ACSL6: variants seen among roughly 807,000 people sequenced by gnomAD.
ACSL6 encodes long-chain-fatty-acid--CoA ligase 6.
Under a neutral mutation model 98.2 loss-of-function variants are expected in ACSL6, and 47 were observed. That is an observed-to-expected ratio of 0.48 (90% confidence interval 0.38 to 0.61). The LOEUF is 0.61. Ranked by LOEUF, ACSL6 falls within the 20% of genes least tolerant of loss-of-function variation. ACSL6 has a pLI of 0.00. For synonymous variants in ACSL6, 362 were observed against 336.9 expected (o/e 1.07, Z -0.82); for missense variants, 761 against 913.4 (o/e 0.83, Z 2.15).
chr5:131,968,300 G>A, intron 15 of ACSL6: 1 of 340,922 alleles, frequency 2.9e-6, no homozygotes, highest in South Asian at 6.4e-5. Context: ...ACGTGCACAG[G>A]GTCCTGGGTA....
chr5:131,956,810 C>T (rs510434), intron 20 of ACSL6, among the ~76,000 whole-genome samples: 32,656 of 151,842 alleles, frequency 0.22, 3,797 homozygotes, highest in East Asian at 0.51. Context: ...TATGAGAGTC[C>T]TTATTCTCTC....
intron 9 of ACSL6, among the ~76,000 whole-genome samples, chr5:131,978,702 T>G (rs1314577023): frequency 1.3e-5 from 2 of 152,154 alleles, no homozygotes; most frequent in African/African-American, 4.8e-5. Flanking sequence ...TGCCTGAGTT[T>G]TTGCCCAGGA....
intron 18 of ACSL6, 169 bp from the exon 19 acceptor site, chr5:131,960,790 AT>A (rs1752665497): frequency 1.9e-6 from 1 of 522,444 alleles, no homozygotes; most frequent in South Asian, 3.0e-5. Context: ...CATACCATTC[AT>A]TTTCTGATAT....
intron 1 of ACSL6, among the ~76,000 whole-genome samples, chr5:131,994,882 C>A (rs1034721455): frequency 6.6e-6 from 1 of 152,200 alleles, no homozygotes. Flanking sequence ...TCTGCACTGT[C>A]CCTCACCGAC....
chr5:132,003,894 C>T (rs779785324), intron 1 of ACSL6: 1 of 152,218 alleles, frequency 6.6e-6, no homozygotes, highest in Non-Finnish European at 1.5e-5. Flanking sequence ...TTTTCGAAAA[C>T]AGTAGTGGCG....
At chr5:131,996,222 A>G (rs1279026285) in intron 1 of ACSL6, among the ~76,000 whole-genome samples, 1 of 152,112 alleles carries the variant, frequency 6.6e-6, no homozygotes, top group Non-Finnish European at 1.5e-5. Context: ...GGAACAACCC[A>G]CTCCTAGCAT....
chr5:131,983,703 GC>G (rs1754019576), intron 9 of ACSL6: 1 of 152,356 alleles, frequency 6.6e-6, no homozygotes, highest in Non-Finnish European at 1.5e-5. Context: ...CCCCAGCTCT[GC>G]CCAGGCAACA....
intron 1 of ACSL6, among the ~76,000 whole-genome samples, chr5:131,998,694 G>C (rs1018807099): frequency 2.0e-5 from 3 of 152,176 alleles, no homozygotes; most frequent in Non-Finnish European, 2.9e-5. Context: ...CCCCAGGCCT[G>C]ACAGCCACCA....
At chr5:131,972,230 T>C (rs1753348640) in intron 13 of ACSL6, among the ~76,000 whole-genome samples, 1 of 152,166 alleles carries the variant, frequency 6.6e-6, no homozygotes, top group South Asian at 2.1e-4. Flanking sequence ...CCTTGGATAA[T>C]GCAGAGTTTA....
rs1753227391 is a variant in ACSL6, at chr5:131,970,174, C to T, written c.1461G>A (p.Glu487=). Residue 487 remains glutamate (E), a synonymous_variant, in exon 15 of 21, where the codon GAG becomes GAA. Coordinates refer to ENST00000651883, the MANE Select transcript of ACSL6 (RefSeq NM_001009185.3). ...TGGTGAAGGTACATCCAGCTGTGCA[C>T]TCAGTTTGGCCATAACCTTCATAAA... ...CQVYEGYGQT[E]CTAGCTFTTP... is the part of the protein sequence containing the mutation. 1.2e-6 allele frequency: 2 copies of T among 1,614,008 alleles called. No individual in the cohort carries two copies. Among genetic ancestry groups the T allele is most frequent in the South Asian group, 1.1e-5 (1 of 91,088 alleles).
chr5:131,969,510 G>A (rs1227988916), intron 15 of ACSL6, among the ~76,000 whole-genome samples: 3 of 151,970 alleles, frequency 2.0e-5, no homozygotes, highest in Non-Finnish European at 4.4e-5. Context: ...CTAAATAGAA[G>A]TTATGCACAA....
intron 17 of ACSL6, among the ~76,000 whole-genome samples, chr5:131,963,838 T>C (rs1752867241): frequency 1.3e-5 from 2 of 152,166 alleles, no homozygotes; most frequent in African/African-American, 4.8e-5. Context: ...ATCAGGCACT[T>C]TCCCTACCCC....
chr5:131,975,542 C>T, intron 10 of ACSL6: 1 of 985,284 alleles, frequency 1.0e-6, no homozygotes, highest in Non-Finnish European at 1.2e-6. Flanking sequence ...GGTATGAGCC[C>T]CAGCCAGAGG....
intron 9 of ACSL6, 157 bp downstream of exon 9, chr5:131,985,250 C>G: frequency 1.2e-6 from 1 of 861,076 alleles, no homozygotes. Context: ...ATGCAGGGCA[C>G]TGGGAGGTGC....
rs1251848944 is a variant in ACSL6 at position 132,011,389 on chromosome 5, CA to C, written c.49+115del. The C allele has an allele frequency of 8.6e-7, 1 of 1,156,734 alleles. No individual in the cohort carries two copies. Among genetic ancestry groups the C allele is most frequent in the Admixed American group, 1.9e-5 (1 of 53,642 alleles). 71.7% of individuals were successfully genotyped at this position (1,156,734 alleles called of 1,614,324 possible). A position where few individuals can be genotyped will look rare whatever the true frequency, so the allele number is the denominator to read the frequency against. The stretch of plus-strand genomic sequence containing the variant: ...CCCTGGGGACCTTGACGGGACAGCT[CA>C]GCAGCAGGGGATGGGGGCTCGGCGG... On this transcript the variant is annotated intron_variant, in intron 1 of 20. Coordinates refer to ENST00000651883, the MANE Select transcript of ACSL6 (RefSeq NM_001009185.3). This position sits in a 1 kb window ranked among gnomAD's most constrained non-coding sequence, Gnocchi z 5.4.
rs1754135486 is a variant in ACSL6, at chr5:131,985,574, C to T, written c.865-116G>A. The T allele has an allele frequency of 3.0e-5, 33 of 1,097,846 alleles. No individual in the cohort carries two copies. In the South Asian group the frequency reaches 4.3e-4, roughly 14 times the overall value. 68.0% of individuals were successfully genotyped at this position (1,097,846 alleles called of 1,614,324 possible). A position where few individuals can be genotyped will look rare whatever the true frequency, so the allele number is the denominator to read the frequency against. On this transcript the variant is annotated intron_variant, in intron 8 of 20. Coordinates refer to ENST00000651883, the MANE Select transcript of ACSL6 (RefSeq NM_001009185.3). Reference sequence around the variant, plus strand: ...TATGTATGCTGTATGTGGGTGTGAGCATGTGTTGGGCACGCCTGCATGCTC... The same window carrying T: ...TATGTATGCTGTATGTGGGTGTGAGTATGTGTTGGGCACGCCTGCATGCTC...
At chr5:131,999,349 C>T (rs73786744) in intron 1 of ACSL6, 6 of 152,352 alleles carry the variant, frequency 3.9e-5, no homozygotes, top group African/African-American at 1.4e-4. Context: ...AGCAGTTACT[C>T]CATCTCTTTG....
At chr5:131,977,056 G>A (rs531631920) in intron 9 of ACSL6, among the ~76,000 whole-genome samples, 4 of 152,258 alleles carry the variant, frequency 2.6e-5, no homozygotes, top group Admixed American at 6.5e-5. Flanking sequence ...TGTCAGCCCC[G>A]AGTCCCCTTA....
chr5:131,988,369 C>A (rs543201282), intron 6 of ACSL6, 143 bp from the exon 7 acceptor site: 9 of 1,284,710 alleles, frequency 7.0e-6, no homozygotes, highest in Admixed American at 6.2e-5. Context: ...ATAAGACAGG[C>A]CTCGTGTACA....
Sources: gnomAD v4.1 joint callset for allele counts (sites outside exome capture counted in the v4.1 genomes callset) on GRCh38, gnomAD v4.1.1 for gene constraint, Gnocchi (gnomAD v3.1) non-coding constraint, MANE v1.5 for transcripts, NCBI Gene and HGNC (gene_info 2026-07-23, HGNC 2026-07-21) for gene names.